FRMD4A: variants seen among roughly 807,000 people sequenced by gnomAD.
The protein encoded by FRMD4A is FERM domain containing 4A.
In FRMD4A, 29 loss-of-function variants were observed where a neutral mutation model predicts 129.1. That is an observed-to-expected ratio of 0.22 (90% CI 0.17 to 0.31). The LOEUF is 0.31. Among genes scored for constraint, FRMD4A ranks in the 10% least tolerant of loss-of-function variants. The pLI is 1.00. For missense variants in FRMD4A, 1,272 were observed against 1,375.8 expected (o/e 0.92, Z 1.19); for synonymous variants, 634 against 571.6 (o/e 1.11, Z -1.56).
intron 15 of FRMD4A, among the ~76,000 whole-genome samples, chr10:13,676,602 C>T (rs1382743884): frequency 1.3e-5 from 2 of 152,064 alleles, no homozygotes; most frequent in South Asian, 2.1e-4. Flanking sequence ...GCAAGCCCAT[C>T]GTGAGCAGAA....
intron 8 of FRMD4A, among the ~76,000 whole-genome samples, chr10:13,758,059 G>A (rs2091933254): frequency 6.6e-6 from 1 of 152,106 alleles, no homozygotes; most frequent in South Asian, 2.1e-4. Context: ...CTTCTCTTTT[G>A]TAAAAGCAAT....
intron 2 of FRMD4A, among the ~76,000 whole-genome samples, chr10:14,177,725 G>A (rs1004302497): frequency 1.3e-5 from 2 of 152,296 alleles, no homozygotes; most frequent in South Asian, 2.1e-4. Flanking sequence ...AACCAGAATA[G>A]CTTTCCTGAG....
Position 13,657,351 on chromosome 10 carries a change from G to T in FRMD4A, c.2238C>A (p.Asp746Glu). The T allele has an allele frequency of 2.5e-6, 4 of 1,610,678 alleles. No individual in the cohort carries two copies. The highest frequency in any genetic ancestry group is 3.4e-6 in the Non-Finnish European group (4 of 1,179,522). The change falls in exon 22 of 25, where the codon GAC (aspartate) becomes GAA (glutamate). Residue 746 changes from aspartate to glutamate, a missense_variant. Around this residue, in one of 2 missense-constraint regions of FRMD4A, gnomAD observed 972 missense variants for 892.3 expected, o/e 1.09. Coordinates refer to ENST00000357447, the MANE Select transcript of FRMD4A (RefSeq NM_018027.5). ...TCGAGTGGCTGGTGCACGACGAGCA[G>T]TCGTCCATGGGGTCTGAGCCGTTGC... is the stretch of plus-strand genomic sequence containing the variant. ...RSSNGSDPMD[D>E]CSSCTSHSSS...
rs571669563 is a variant in FRMD4A, at chr10:14,152,044, T to G, written c.45+178014A>C. On this transcript the variant is annotated intron_variant, in intron 2 of 24. Transcript: ENST00000357447. ...GGGAGGGTGATGTAATGGGTTCGTG[T>G]CAGTCTCAATACACTACAGTTTGCT... is the stretch of plus-strand genomic sequence containing the variant. 1.8e-3 allele frequency among the ~76,000 whole-genome samples: 278 copies of G among 150,440 alleles called. 2 individuals are homozygous for G. The Middle Eastern group carries it at 0.021, about 11-fold the overall frequency.
intron 2 of FRMD4A, among the ~76,000 whole-genome samples, chr10:14,092,338 T>C (rs567524204): frequency 1.3e-5 from 2 of 152,272 alleles, no homozygotes; most frequent in South Asian, 2.1e-4. Context: ...CACTCCAAAT[T>C]GAGCTGCACA....
intron 2 of FRMD4A, among the ~76,000 whole-genome samples, chr10:14,115,490 C>T (rs1040617608): frequency 1.3e-5 from 2 of 152,186 alleles, no homozygotes; most frequent in Non-Finnish European, 2.9e-5. Flanking sequence ...CTCCCTTACT[C>T]ATAGACATTG....
chr10:14,204,298 G>A (rs1046610783), intron 2 of FRMD4A, among the ~76,000 whole-genome samples: 1 of 152,004 alleles, frequency 6.6e-6, no homozygotes, highest in Admixed American at 6.5e-5. Context: ...ACATGATGGT[G>A]CATGCCTATA....
chr10:14,193,697 A>C (rs1842389981), intron 2 of FRMD4A, among the ~76,000 whole-genome samples: 1 of 151,294 alleles, frequency 6.6e-6, no homozygotes, highest in Admixed American at 6.6e-5. Context: ...TAAAAAAAAA[A>C]AAACTACAAA....
intron 2 of FRMD4A, among the ~76,000 whole-genome samples, chr10:14,210,167 C>T (rs969037816): frequency 4.6e-5 from 7 of 152,148 alleles, no homozygotes; most frequent in Non-Finnish European, 8.8e-5. Flanking sequence ...CATTGAAATC[C>T]TAACTCCCAA....
At chr10:14,037,084 CT>C (rs1380421132) in intron 2 of FRMD4A, among the ~76,000 whole-genome samples, 3 of 152,308 alleles carry the variant, frequency 2.0e-5, no homozygotes, top group South Asian at 2.1e-4. Context: ...CTTTTACATG[CT>C]TCTTGAGATA....
At chr10:14,258,269 A>G (rs975635320) in intron 2 of FRMD4A, among the ~76,000 whole-genome samples, 1 of 151,220 alleles carries the variant, frequency 6.6e-6, no homozygotes, top group African/African-American at 2.4e-5. Context: ...AAGGCAAGTC[A>G]CAGACTGGGA....
intron 2 of FRMD4A, among the ~76,000 whole-genome samples, chr10:14,014,014 T>C (rs765252162): frequency 6.6e-6 from 1 of 152,210 alleles, no homozygotes; most frequent in Non-Finnish European, 1.5e-5. Context: ...TGCTAGGCCC[T>C]GGCCTCTGGT....
intron 2 of FRMD4A, among the ~76,000 whole-genome samples, chr10:14,120,872 C>T (rs1838471291): frequency 6.6e-6 from 1 of 152,230 alleles, no homozygotes; most frequent in Non-Finnish European, 1.5e-5. Context: ...GCTGATGTCC[C>T]TTCACATGGC....
At chr10:14,189,279 G>A (rs956157787) in intron 2 of FRMD4A, among the ~76,000 whole-genome samples, 1 of 152,106 alleles carries the variant, frequency 6.6e-6, no homozygotes, top group Non-Finnish European at 1.5e-5. Flanking sequence ...GGGGTAAGAG[G>A]AGGAAGAGAA....
rs1468454832 is a variant in FRMD4A, at chr10:13,644,370, T to C, written c.*2668A>G. 1 of 152,248 alleles carries C rather than the reference T, an allele frequency of 6.6e-6. No homozygotes were observed. The highest frequency in any genetic ancestry group is 2.4e-5 in the African/African-American group (1 of 41,464). The allele number at this position is 152,248 out of a possible 1,614,324, so 9.4% of individuals were successfully genotyped here. Reference sequence around the variant, plus strand: ...ACATCATTTCCCACCACACTGATCATTAATCATGTCAGTCTCAAAGGACTA... The same window carrying C: ...ACATCATTTCCCACCACACTGATCACTAATCATGTCAGTCTCAAAGGACTA... On this transcript the variant is annotated 3_prime_UTR_variant, in exon 25 of 25. Transcript: ENST00000357447.
At chr10:14,003,717 C>T (rs557292660) in intron 2 of FRMD4A, 1 of 152,332 alleles carries the variant, frequency 6.6e-6, no homozygotes, top group South Asian at 2.1e-4. Context: ...TTCACCTCCA[C>T]TTAAAACCAC....
At chr10:13,979,765 G>C (rs765183577) in intron 2 of FRMD4A, among the ~76,000 whole-genome samples, 1 of 152,046 alleles carries the variant, frequency 6.6e-6, no homozygotes, top group Non-Finnish European at 1.5e-5. Context: ...AATCTCTAGC[G>C]TCTTGAGTGT....
chr10:13,773,507 G>A (rs2092516267), intron 6 of FRMD4A, among the ~76,000 whole-genome samples: 2 of 152,218 alleles, frequency 1.3e-5, no homozygotes, highest in African/African-American at 4.8e-5. Flanking sequence ...TTCGACATGA[G>A]CACCAATTTT....
At chr10:13,738,896 C>G (rs1564719738) in intron 11 of FRMD4A, among the ~76,000 whole-genome samples, 1 of 152,198 alleles carries the variant, frequency 6.6e-6, no homozygotes, top group East Asian at 1.9e-4. Flanking sequence ...GCTGGGATTA[C>G]AGTCATGAGC....
Sources: allele counts gnomAD v4.1 joint callset (sites outside exome capture counted in the v4.1 genomes callset), GRCh38; gene constraint gnomAD v4.1.1; regional missense constraint gnomAD v4.1.1; transcripts MANE v1.5; gene names NCBI Gene and HGNC (gene_info 2026-07-23, HGNC 2026-07-21).